Variants in ANKRD6 observed in about 807,000 individuals in gnomAD.
The protein encoded by ANKRD6 is ankyrin repeat domain 6.
In ANKRD6, 56 loss-of-function variants were observed where a neutral mutation model predicts 82.3. The ratio of observed to expected loss-of-function variants is 0.68; its 90% confidence interval spans 0.55 to 0.85. The LOEUF (loss-of-function observed/expected upper bound fraction) is 0.85. Ranked by LOEUF, ANKRD6 falls within the 40% of genes least tolerant of loss-of-function variation. The pLI, the probability that ANKRD6 is intolerant of heterozygous loss-of-function variation, is 0.00. For synonymous variants in ANKRD6, 347 were observed against 352.1 expected (o/e 0.99, Z 0.16); for missense variants, 852 against 907.6 (o/e 0.94, Z 0.79).
chr6:89,553,391 T>A (rs1208547995), intron 1 of ANKRD6, among the ~76,000 whole-genome samples: 1 of 152,184 alleles, frequency 6.6e-6, no homozygotes, highest in Non-Finnish European at 1.5e-5. Context: ...GGAGAAGGCC[T>A]CTGTCCTCTG....
rs372393432 is a variant in ANKRD6, at chr6:89,480,941, C to CAAAAA, written c.-144+47576_-144+47580dup. On this transcript the variant is annotated intron_variant, in intron 1 of 15. Coordinates refer to ENST00000339746, the MANE Select transcript of ANKRD6 (RefSeq NM_001242809.2). ...TGGGTGACAGAGTAAGACCCTGTCT[C>CAAAAA]AAAAAAAAAAAAAATAGAAGAAGAA... 6.9e-4 allele frequency among the ~76,000 whole-genome samples: 64 copies of CAAAAA among 92,936 alleles called. 2 individuals carry two copies. The highest frequency in any genetic ancestry group is 1.7e-3 in the African/African-American group (40 of 23,822). The allele number at this position is 92,936 out of a possible 152,430, so 61.0% of individuals were successfully genotyped here.
chr6:89,462,891 A>G (rs566082819), intron 1 of ANKRD6, among the ~76,000 whole-genome samples: 22 of 145,828 alleles, frequency 1.5e-4, no homozygotes, highest in Admixed American at 3.4e-4. Flanking sequence ...TTTCTAAGAG[A>G]CAAGGTATTA....
chr6:89,612,242 A>G (rs1438396498), intron 5 of ANKRD6, 30 bp from the exon 6 acceptor site: 20 of 1,541,934 alleles, frequency 1.3e-5, no homozygotes, highest in Non-Finnish European at 1.7e-5. Context: ...TGTTGCTAAT[A>G]TGTCCTCCCT....
intron 1 of ANKRD6, among the ~76,000 whole-genome samples, chr6:89,555,530 T>G (rs1248115259): frequency 6.6e-6 from 1 of 152,098 alleles, no homozygotes; most frequent in Non-Finnish European, 1.5e-5. Context: ...GATTTCACCC[T>G]TGGGACCCTG....
chr6:89,471,939 C>CAAAAA (rs749607605), intron 1 of ANKRD6, among the ~76,000 whole-genome samples: 11 of 52,572 alleles, frequency 2.1e-4, no homozygotes, highest in Admixed American at 2.6e-4. Flanking sequence ...AACTCCATCT[C>CAAAAA]AAAAAAAAAA....
At chr6:89,462,865 G>GTTTTTT (rs751083567) in intron 1 of ANKRD6, among the ~76,000 whole-genome samples, 1 of 127,508 alleles carries the variant, frequency 7.8e-6, no homozygotes, top group Non-Finnish European at 1.7e-5. Flanking sequence ...TGAGTTTTTA[G>GTTTTTT]TTTTTTTTTT....
intron 1 of ANKRD6, among the ~76,000 whole-genome samples, chr6:89,440,945 A>T (rs1029403999): frequency 6.6e-6 from 1 of 152,076 alleles, no homozygotes; most frequent in Non-Finnish European, 1.5e-5. Context: ...AGTAGTTTCC[A>T]CAGAGATTAC....
chr6:89,595,543 C>T (rs1795720998), intron 2 of ANKRD6, among the ~76,000 whole-genome samples: 1 of 152,136 alleles, frequency 6.6e-6, no homozygotes, highest in South Asian at 2.1e-4. Flanking sequence ...GCTGTTCTCC[C>T]ACCTCTTGCC....
At chr6:89,515,095 T>C (rs1248679281) in intron 1 of ANKRD6, among the ~76,000 whole-genome samples, 2 of 152,208 alleles carry the variant, frequency 1.3e-5, no homozygotes, top group Non-Finnish European at 2.9e-5. Flanking sequence ...CAGACCTTAA[T>C]TGGATACATG....
chr6:89,468,965 A>G (rs1775151824), intron 1 of ANKRD6, among the ~76,000 whole-genome samples: 2 of 151,792 alleles, frequency 1.3e-5, no homozygotes, highest in Non-Finnish European at 2.9e-5. Flanking sequence ...GACTTGTCTT[A>G]TAAATTCAGT....
chr6:89,618,450 C>T (rs1013523941), intron 9 of ANKRD6: 27 of 496,298 alleles, frequency 5.4e-5, no homozygotes, highest in Non-Finnish European at 8.3e-5. Flanking sequence ...AGGGAGGGGA[C>T]GATTCTGGGC....
chr6:89,506,134 A>G (rs549624831), intron 1 of ANKRD6, among the ~76,000 whole-genome samples: 65 of 152,272 alleles, frequency 4.3e-4, no homozygotes, highest in African/African-American at 1.2e-3. Context: ...TGGAGATCCA[A>G]TGTGCAGCAT....
intron 1 of ANKRD6, among the ~76,000 whole-genome samples, chr6:89,526,314 A>G (rs954120269): frequency 6.6e-6 from 1 of 152,146 alleles, no homozygotes; most frequent in Non-Finnish European, 1.5e-5. Flanking sequence ...GGGAGCCACA[A>G]AAGTTGAACA....
chr6:89,512,856 C>T (rs913099372), intron 1 of ANKRD6, among the ~76,000 whole-genome samples: 3 of 152,184 alleles, frequency 2.0e-5, no homozygotes, highest in African/African-American at 7.2e-5. Context: ...TCAGAAAATT[C>T]AGATCTGGAA....
chr6:89,435,776 A>G (rs1161179335), intron 1 of ANKRD6, among the ~76,000 whole-genome samples: 1 of 152,226 alleles, frequency 6.6e-6, no homozygotes, highest in Non-Finnish European at 1.5e-5. Context: ...AAGTTTTTTT[A>G]AAAATGCAAA....
intron 1 of ANKRD6, among the ~76,000 whole-genome samples, chr6:89,557,872 A>C (rs1786838908): frequency 6.6e-6 from 1 of 151,798 alleles, no homozygotes; most frequent in African/African-American, 2.4e-5. Context: ...ATGAAAATCT[A>C]ATGCCTGATG....
At chr6:89,545,191 C>T (rs6454761) in intron 1 of ANKRD6, among the ~76,000 whole-genome samples, 71,505 of 142,430 alleles carry the variant, frequency 0.5, 18,410 homozygotes, top group South Asian at 0.71. Flanking sequence ...CCAGCCTGGG[C>T]GACAGAGCCA....
chr6:89,459,080 CT>C (rs1023371220), intron 1 of ANKRD6, among the ~76,000 whole-genome samples: 1 of 151,468 alleles, frequency 6.6e-6, no homozygotes, highest in Non-Finnish European at 1.5e-5. Context: ...ATGAATATGT[CT>C]TTTTTTTTAA....
chr6:89,571,083 G>T (rs553193859), intron 2 of ANKRD6, among the ~76,000 whole-genome samples: 1 of 151,920 alleles, frequency 6.6e-6, no homozygotes, highest in Non-Finnish European at 1.5e-5. Flanking sequence ...TCGGAGTCTC[G>T]CTCTGTCGCC....
Sources: gnomAD v4.1 joint callset for allele counts (sites outside exome capture counted in the v4.1 genomes callset) on GRCh38, gnomAD v4.1.1 for gene constraint, MANE v1.5 for transcripts, NCBI Gene and HGNC (gene_info 2026-07-23, HGNC 2026-07-21) for gene names.